RGS7: variants seen among roughly 807,000 people sequenced by gnomAD.
RGS7 encodes the protein regulator of G-protein signaling 7.
In RGS7, 27 loss-of-function variants were observed where a neutral mutation model predicts 81.1. That is an observed-to-expected ratio of 0.33 (90% confidence interval 0.25 to 0.46). The LOEUF (loss-of-function observed/expected upper bound fraction) is 0.46. RGS7 is among the 20% of genes least tolerant of loss of function. The probability of loss-of-function intolerance (pLI) is 1.00; values close to 1 mark genes in which losing one functional copy is unlikely to be tolerated. For missense variants in RGS7, 396 were observed against 607.4 expected, an observed-to-expected ratio of 0.65 and a Z score of 3.66; for synonymous variants, 208 against 207.7, an observed-to-expected ratio of 1.00 and a Z score of -0.01.
intron 18 of RGS7, among the ~76,000 whole-genome samples, chr1:240,784,013 T>TAA (rs71172645): frequency 0.029 from 2,449 of 83,334 alleles, 147 homozygotes; most frequent in African/African-American, 0.11. Flanking sequence ...CTGTCTCTAC[T>TAA]AAAAAAAAAA....
At chr1:241,125,045 C>T (rs910064932) in intron 2 of RGS7, among the ~76,000 whole-genome samples, 3 of 152,192 alleles carry the variant, frequency 2.0e-5, no homozygotes, top group Admixed American at 6.5e-5. Context: ...CCTTTTACTT[C>T]ATGAGCTATA....
chr1:241,326,080 G>T (rs2081474583), intron 2 of RGS7, among the ~76,000 whole-genome samples: 1 of 152,084 alleles, frequency 6.6e-6, no homozygotes, highest in South Asian at 2.1e-4. Context: ...AGCTTCCCCA[G>T]GAAAGTCATA....
chr1:241,059,784 T>TGTTCAAGG (rs59494450), intron 3 of RGS7, among the ~76,000 whole-genome samples: 386 of 150,690 alleles, frequency 2.6e-3, no homozygotes, highest in African/African-American at 9.1e-3. Context: ...TGAACATCTA[T>TGTTCAAGG]TGGATAGCAC....
chr1:241,243,617 A>T, intron 2 of RGS7, among the ~76,000 whole-genome samples: 2 of 152,226 alleles, frequency 1.3e-5, no homozygotes, highest in East Asian at 3.8e-4. Flanking sequence ...TACTTGAGCA[A>T]CTAAATCCTT....
At chr1:241,094,489 A>G (rs1026155984) in intron 3 of RGS7, among the ~76,000 whole-genome samples, 2 of 152,156 alleles carry the variant, frequency 1.3e-5, no homozygotes, top group African/African-American at 4.8e-5. Flanking sequence ...GACTGGATGC[A>G]CTCAAGGACA....
chr1:241,123,145 A>C (rs4073328), intron 2 of RGS7, among the ~76,000 whole-genome samples: 65,413 of 151,918 alleles, frequency 0.43, 14,832 homozygotes, highest in African/African-American at 0.58. Context: ...GACTTGCCCC[A>C]GAGCCTGCCC....
chr1:241,270,950 G>T (rs952517522), intron 2 of RGS7, among the ~76,000 whole-genome samples: 1 of 151,968 alleles, frequency 6.6e-6, no homozygotes, highest in African/African-American at 2.4e-5. Flanking sequence ...GTAGAGATGG[G>T]GTTTCACCGT....
chr1:240,880,332 C>T (rs1666159397), intron 6 of RGS7, among the ~76,000 whole-genome samples: 1 of 152,242 alleles, frequency 6.6e-6, no homozygotes, highest in Admixed American at 6.5e-5. Context: ...TGGGCCATCG[C>T]TCCTGGCCCT....
At chr1:241,049,710 A>G (rs1572447413) in intron 3 of RGS7, among the ~76,000 whole-genome samples, 1 of 152,308 alleles carries the variant, frequency 6.6e-6, no homozygotes, top group African/African-American at 2.4e-5. Context: ...AGTTCTTGCA[A>G]GGAAAGATGG....
chr1:240,977,618 T>A (rs1684328885), intron 4 of RGS7, among the ~76,000 whole-genome samples: 1 of 152,220 alleles, frequency 6.6e-6, no homozygotes, highest in Non-Finnish European at 1.5e-5. Flanking sequence ...CTAACCAATA[T>A]TCCATATATA....
intron 18 of RGS7, among the ~76,000 whole-genome samples, chr1:240,782,779 G>A (rs1044926434): frequency 3.3e-5 from 5 of 152,076 alleles, no homozygotes; most frequent in African/African-American, 1.2e-4. Context: ...AATGAAAAGG[G>A]CTAACAAACC....
chr1:241,106,755 C>CCACACACAG (rs2065139388), intron 2 of RGS7, among the ~76,000 whole-genome samples: 1 of 123,410 alleles, frequency 8.1e-6, no homozygotes, highest in African/African-American at 3.2e-5. Flanking sequence ...ACCACCACCA[C>CCACACACAG]ACACACACAC....
At chr1:241,183,305 T>C (rs963006096) in intron 2 of RGS7, among the ~76,000 whole-genome samples, 9 of 152,224 alleles carry the variant, frequency 5.9e-5, no homozygotes, top group Admixed American at 1.3e-4. Context: ...CGTGCCTATC[T>C]ATGGCACTCA....
Position 241,089,896 on chromosome 1 carries a change from A to T in RGS7, c.175+8770T>A, listed in dbSNP as rs942266928. Among the ~76,000 whole-genome samples, 3 of 149,846 alleles carry T rather than the reference A, an allele frequency of 2.0e-5. No homozygotes were observed. The East Asian group carries it at 6.1e-4, about 31-fold the overall frequency. ...GTAGTCCCAGCTACTCGGGAGGCTG[A>T]GGCAGGAGAATGGCGTGAACCTGGG... On this transcript the variant is annotated intron_variant, in intron 3 of 18. Coordinates refer to ENST00000440928, the MANE Select transcript of RGS7 (RefSeq NM_001364886.1).
chr1:240,837,573 T>A (rs908168661), intron 9 of RGS7, among the ~76,000 whole-genome samples: 1 of 152,186 alleles, frequency 6.6e-6, no homozygotes, highest in African/African-American at 2.4e-5. Flanking sequence ...TCTGTGGGCT[T>A]AAATGGGTCA....
intron 2 of RGS7, among the ~76,000 whole-genome samples, chr1:241,178,819 G>A (rs2071367572): frequency 6.6e-6 from 1 of 152,158 alleles, no homozygotes; most frequent in South Asian, 2.1e-4. Flanking sequence ...TGGGATTATA[G>A]AAACATTTTA....
At chr1:240,902,687 A>G (rs199975413) in intron 6 of RGS7, among the ~76,000 whole-genome samples, 1 of 152,348 alleles carries the variant, frequency 6.6e-6, no homozygotes, top group East Asian at 1.9e-4. Context: ...ATGGTAGATT[A>G]CTGGTTTGTT....
chr1:240,956,194 G>A (rs887303490), intron 4 of RGS7, among the ~76,000 whole-genome samples: 18 of 152,156 alleles, frequency 1.2e-4, no homozygotes, highest in African/African-American at 4.3e-4. Flanking sequence ...GCTCCCTGAT[G>A]AGTAAGCAAG....
chr1:240,926,267 T>A (rs1572798394), intron 6 of RGS7, among the ~76,000 whole-genome samples: 1 of 152,196 alleles, frequency 6.6e-6, no homozygotes, highest in African/African-American at 2.4e-5. Context: ...AGGGTTTTTA[T>A]ATTTTGAGGT....
Sources: gnomAD v4.1 joint callset for allele counts (sites outside exome capture counted in the v4.1 genomes callset) on GRCh38, gnomAD v4.1.1 for gene constraint, MANE v1.5 for transcripts, NCBI Gene and HGNC (gene_info 2026-07-23, HGNC 2026-07-21) for gene names.